STRIP2: variants seen among roughly 807,000 people sequenced by gnomAD.
STRIP2 encodes the protein striatin-interacting protein 2.
Under a neutral mutation model 107.1 loss-of-function variants are expected in STRIP2, and 84 were observed. The observed-to-expected ratio is 0.78, with a 90% CI of 0.66 to 0.94. STRIP2 has a LOEUF of 0.94. STRIP2 is among the 40% of genes least tolerant of loss of function. The pLI is 0.00. For synonymous variants in STRIP2, 394 were observed against 400.4 expected (o/e 0.98, Z 0.19); for missense variants, 888 against 1,034.2 (o/e 0.86, Z 1.94).
intron 17 of STRIP2, among the ~76,000 whole-genome samples, chr7:129,468,985 C>T (rs1460965602): frequency 6.6e-6 from 1 of 152,172 alleles, no homozygotes; most frequent in African/African-American, 2.4e-5. Flanking sequence ...CTTCTCAGGC[C>T]GCATAGTGAA....
intron 8 of STRIP2, among the ~76,000 whole-genome samples, chr7:129,455,844 G>A (rs1022830926): frequency 2.6e-5 from 4 of 152,064 alleles, no homozygotes. Context: ...GTGTTGCCTG[G>A]GCTGGTCTTG....
chr7:129,441,952 T>C (rs573990644), intron 2 of STRIP2, among the ~76,000 whole-genome samples: 2 of 152,258 alleles, frequency 1.3e-5, no homozygotes, highest in East Asian at 1.9e-4. Context: ...CTTGGCCAGG[T>C]ACGGTAGCTC....
rs1252226145 is a variant in STRIP2 at position 129,458,762 on chromosome 7, G to T, written c.1325G>T (p.Gly442Val). 1.2e-6 allele frequency: 2 copies of T among 1,614,160 alleles called. No individual in the cohort carries two copies. The highest frequency in any genetic ancestry group is 2.2e-5 in the South Asian group (2 of 91,080). The change falls in exon 11 of 21, where the codon GGA (glycine) becomes GTA (valine). Residue 442 changes from glycine (G) to valine (V), a missense_variant. Coordinates refer to ENST00000249344, the MANE Select transcript of STRIP2 (RefSeq NM_020704.3). The surrounding 1 kb of genome is among the most constrained non-coding windows in gnomAD (Gnocchi z 4.6). ...GAGATGAGCAGGAACAAGTTCATCGGATTCACCCTGGGGCAGTAAGTGACT... is the reference window on the plus strand; with the variant it reads ...GAGATGAGCAGGAACAAGTTCATCGTATTCACCCTGGGGCAGTAAGTGACT... ...FLEMSRNKFI[G>V]FTLGQDTDTL...
intron 14 of STRIP2, 80 bp downstream of exon 14, chr7:129,463,120 C>A: frequency 1.7e-6 from 2 of 1,160,650 alleles, no homozygotes; most frequent in South Asian, 1.4e-5. Flanking sequence ...GTGGACCTGT[C>A]CAACACTTGA....
At chr7:129,453,713 C>T (rs1562901077) in intron 5 of STRIP2, among the ~76,000 whole-genome samples, 1 of 152,202 alleles carries the variant, frequency 6.6e-6, no homozygotes, top group Non-Finnish European at 1.5e-5. Context: ...AAATCAATTC[C>T]TGTCATTGTG....
intron 14 of STRIP2, among the ~76,000 whole-genome samples, chr7:129,463,746 C>T (rs761413653): frequency 5.9e-5 from 9 of 152,184 alleles, no homozygotes; most frequent in Non-Finnish European, 1.0e-4. Context: ...CTGCCTGTCT[C>T]GGCCTCCAAA....
chr7:129,485,501 T>G, intron 20 of STRIP2, 78 bp from the exon 21 acceptor site: 1 of 1,369,598 alleles, frequency 7.3e-7, no homozygotes, highest in Non-Finnish European at 1.0e-6. Context: ...ATTTTTGGAA[T>G]CCCATAGACC....
At chr7:129,467,773 C>T (rs751108258) in intron 17 of STRIP2, among the ~76,000 whole-genome samples, 2 of 151,846 alleles carry the variant, frequency 1.3e-5, no homozygotes, top group African/African-American at 4.8e-5. Flanking sequence ...TCTGGCCAGG[C>T]GTTATTTTAG....
chr7:129,486,130 AAG>A lies in STRIP2; in HGVS notation c.*304_*305del. ...CCAGGCTAGACTTTGCTGGCTCTAA[AAG>A]AGGAAATTTGTTATGGCATTTGACC... On this transcript the variant is annotated 3_prime_UTR_variant, in exon 21 of 21. Transcript: ENST00000249344. 1 of 303,362 alleles carries A rather than the reference AAG, an allele frequency of 3.3e-6. No individual in the cohort carries two copies. The highest frequency in any genetic ancestry group is 4.4e-5 in the Admixed American group (1 of 22,600). The allele number at this position is 303,362 out of a possible 1,614,324, so 18.8% of individuals were successfully genotyped here. A position where few individuals can be genotyped will look rare whatever the true frequency, so the allele number is the denominator to read the frequency against.
At chr7:129,450,106 T>C (rs1003585050) in intron 3 of STRIP2, among the ~76,000 whole-genome samples, 1 of 152,334 alleles carries the variant, frequency 6.6e-6, no homozygotes, top group Middle Eastern at 3.4e-3. Context: ...TCTATACTAT[T>C]AGAAGTAGAT....
At chr7:129,479,646 T>C (rs1035749351) in intron 18 of STRIP2, among the ~76,000 whole-genome samples, 4 of 151,806 alleles carry the variant, frequency 2.6e-5, no homozygotes, top group Non-Finnish European at 4.4e-5. Flanking sequence ...CCTGCCACCA[T>C]GCCCAGCTAA....
At position 129,445,839 on chromosome 7, in the gene STRIP2, T is replaced by G. The variant is rs543564872; in HGVS notation, c.274+1741T>G. On this transcript the variant is annotated intron_variant, in intron 3 of 20. Transcript: ENST00000249344. The stretch of plus-strand genomic sequence containing the variant: ...CCATGACGGTGGATGAGGCATTCCA[T>G]GAGTCCATGGATGGTAGTCTTGGCA... Among the ~76,000 whole-genome samples, 116 of 152,236 alleles carry G rather than the reference T, an allele frequency of 7.6e-4. 1 individual carries two copies. The highest frequency in any genetic ancestry group is 2.7e-3 in the African/African-American group (112 of 41,560).
intron 1 of STRIP2, among the ~76,000 whole-genome samples, chr7:129,439,793 C>T (rs1160394822): frequency 6.6e-6 from 1 of 152,194 alleles, no homozygotes; most frequent in East Asian, 1.9e-4. Context: ...TTTATTCAGA[C>T]TTTCCGATTT....
chr7:129,477,873 C>A (rs970876674), intron 18 of STRIP2: 5 of 488,560 alleles, frequency 1.0e-5, no homozygotes, highest in African/African-American at 9.9e-5. Context: ...CATGTAGACA[C>A]CATGAGCAAA....
intron 1 of STRIP2, among the ~76,000 whole-genome samples, chr7:129,437,554 G>A (rs913791919): frequency 1.3e-5 from 2 of 151,874 alleles, no homozygotes; most frequent in African/African-American, 2.4e-5. Context: ...GTGCTGGGAC[G>A]TAATGTAAAA....
intron 19 of STRIP2, among the ~76,000 whole-genome samples, chr7:129,482,377 A>ATATATT (rs1371071087): frequency 2.9e-5 from 2 of 69,030 alleles, no homozygotes; most frequent in South Asian, 7.2e-4. Flanking sequence ...ATATATATAT[A>ATATATT]TTTTTTTTTT....
At chr7:129,472,776 C>CTTTTTTTTT (rs1798822125) in intron 18 of STRIP2, among the ~76,000 whole-genome samples, 4 of 78,266 alleles carry the variant, frequency 5.1e-5, no homozygotes, top group African/African-American at 1.9e-4. Flanking sequence ...TTTTCTTTTC[C>CTTTTTTTTT]TTTTTTTTTT....
Position 129,458,472 on chromosome 7 carries a change from A to T in STRIP2, c.1274+22A>T, listed in dbSNP as rs113506428. ...TCAGGTAGGTTTGATAGCATCAGGG[A>T]CCCCTATGCTTCGGGGTTTCAGTCT... On this transcript the variant is annotated intron_variant, in intron 10 of 20. Coordinates refer to ENST00000249344, the MANE Select transcript of STRIP2 (RefSeq NM_020704.3). This position sits in a 1 kb window ranked among gnomAD's most constrained non-coding sequence, Gnocchi z 4.6. 1.0e-3 allele frequency: 1,523 copies of T among 1,518,446 alleles called. 12 individuals carry two copies. The African/African-American group carries it at 0.019, about 19-fold the overall frequency. The allele number at this position is 1,518,446 out of a possible 1,614,324, so 94.1% of individuals were successfully genotyped here.
chr7:129,447,945 A>G (rs570570048), intron 3 of STRIP2, among the ~76,000 whole-genome samples: 2 of 152,312 alleles, frequency 1.3e-5, no homozygotes, highest in African/African-American at 4.8e-5. Flanking sequence ...GTCCTTGATG[A>G]TGGCACTGAT....
Sources: gnomAD v4.1 joint callset for allele counts (sites outside exome capture counted in the v4.1 genomes callset) on GRCh38, gnomAD v4.1.1 for gene constraint, Gnocchi (gnomAD v3.1) non-coding constraint, MANE v1.5 for transcripts, NCBI Gene and HGNC (gene_info 2026-07-23, HGNC 2026-07-21) for gene names.